The following ABCB1 variants were observed in gnomAD, a reference collection of about 807,000 sequenced individuals.
The protein encoded by ABCB1 is ATP binding cassette subfamily B member 1.
In ABCB1, 69 loss-of-function variants were observed where a neutral mutation model predicts 142.0. The observed-to-expected ratio is 0.49, with a 90% confidence interval of 0.40 to 0.59. The LOEUF (loss-of-function observed/expected upper bound fraction) is 0.59, where lower values mean the gene tolerates loss of function less well. Among genes scored for constraint, ABCB1 ranks in the 20% least tolerant of loss-of-function variants. The pLI, the probability that ABCB1 is intolerant of heterozygous loss-of-function variation, is 0.00. For synonymous variants in ABCB1, 532 were observed against 539.2 expected (o/e 0.99, Z 0.18); for missense variants, 1,326 against 1,554.7 (o/e 0.85, Z 2.47).
intron 1 of ABCB1, chr7:87,700,323 A>G (rs1828914309): frequency 2.9e-6 from 3 of 1,045,718 alleles, no homozygotes; most frequent in Non-Finnish European, 4.1e-6. Flanking sequence ...ATAGTTCACT[A>G]TATTACCTTT....
chr7:87,698,132 C>T (rs1394676013), intron 1 of ABCB1, among the ~76,000 whole-genome samples: 1 of 152,200 alleles, frequency 6.6e-6, no homozygotes, highest in Non-Finnish European at 1.5e-5. Flanking sequence ...CGAAGTCTCA[C>T]TCTGTCACCC....
At chr7:87,545,286 T>C (rs1375113282) in intron 15 of ABCB1, among the ~76,000 whole-genome samples, 1 of 152,234 alleles carries the variant, frequency 6.6e-6, no homozygotes, top group Non-Finnish European at 1.5e-5. Context: ...GTGGGTGTTT[T>C]GACTCAATCA....
intron 8 of ABCB1, among the ~76,000 whole-genome samples, chr7:87,557,761 C>T (rs756282967): frequency 1.3e-5 from 2 of 152,170 alleles, no homozygotes; most frequent in African/African-American, 2.4e-5. Context: ...AAATGTTGGG[C>T]TTCACTCCCA....
chr7:87,526,552 C>A (rs1429923912), intron 21 of ABCB1, among the ~76,000 whole-genome samples: 2 of 151,776 alleles, frequency 1.3e-5, no homozygotes, highest in Non-Finnish European at 2.9e-5. Flanking sequence ...ATTCTTATAA[C>A]CCCCTCATCT....
intron 1 of ABCB1, among the ~76,000 whole-genome samples, chr7:87,609,833 G>A (rs1819787283): frequency 6.6e-6 from 1 of 151,812 alleles, no homozygotes; most frequent in Non-Finnish European, 1.5e-5. Flanking sequence ...GAGGCCCGAG[G>A]TGGATTTTAA....
rs1394102376 is a variant in ABCB1 at position 87,636,416 on chromosome 7, C to CT, written c.-330-35339dup. 3.3e-5 allele frequency among the ~76,000 whole-genome samples: 5 copies of CT among 152,232 alleles called. No homozygotes were observed. The South Asian group carries it at 1.0e-3, about 32-fold the overall frequency. On this transcript the variant is annotated intron_variant, in intron 1 of 28. Transcript: ENST00000265724. ...TCAAGTCACTTAGCAACTGGAATCT[C>CT]TGCTTTTTGTTTATTTTTTAGATGT... is the stretch of plus-strand genomic sequence containing the variant.
upstream of ABCB1, among the ~76,000 whole-genome samples, chr7:87,603,971 C>T (rs1001989527): frequency 1.3e-5 from 2 of 152,100 alleles, no homozygotes; most frequent in African/African-American, 2.4e-5. Flanking sequence ...AGTAATAATG[C>T]CCTCTTCTCA....
At chr7:87,508,780 G>T (rs1814866729) in intron 26 of ABCB1, among the ~76,000 whole-genome samples, 1 of 152,178 alleles carries the variant, frequency 6.6e-6, no homozygotes, top group African/African-American at 2.4e-5. Flanking sequence ...TGAGTTTTGA[G>T]GCTTGGGAGA....
At chr7:87,650,871 G>T in intron 1 of ABCB1, 1 of 1,613,112 alleles carries the variant, frequency 6.2e-7, no homozygotes, top group Non-Finnish European at 8.5e-7. Flanking sequence ...GACAATTGAT[G>T]ATTCTTCTCC....
intron 1 of ABCB1, among the ~76,000 whole-genome samples, chr7:87,670,628 A>T (rs548626616): frequency 8.4e-4 from 128 of 152,308 alleles, no homozygotes; most frequent in African/African-American, 3.0e-3. Context: ...TGCATTGTAG[A>T]TTAAGTATAG....
At chr7:87,710,864 T>C (rs887140141) in intron 1 of ABCB1, among the ~76,000 whole-genome samples, 1 of 152,188 alleles carries the variant, frequency 6.6e-6, no homozygotes, top group African/African-American at 2.4e-5. Context: ...AGATACACAT[T>C]ACGCCTGGAA....
At chr7:87,617,438 A>G (rs936413237) in intron 1 of ABCB1, among the ~76,000 whole-genome samples, 6 of 152,248 alleles carry the variant, frequency 3.9e-5, no homozygotes, top group Non-Finnish European at 8.8e-5. Context: ...TAACAATGAC[A>G]ACATGTGTCC....
chr7:87,526,653 T>C (rs1342835874), intron 21 of ABCB1, among the ~76,000 whole-genome samples: 1 of 152,176 alleles, frequency 6.6e-6, no homozygotes, highest in African/African-American at 2.4e-5. Flanking sequence ...GCCAGGAGCA[T>C]TGTCTAATAT....
At position 87,519,370 on chromosome 7, in the gene ABCB1, G is replaced by T. The variant is rs1443251859; in HGVS notation, c.2883C>A (p.Ala961=). The change falls in exon 23 of 28, where the codon GCC becomes GCA. Residue 961 remains alanine, a synonymous_variant. Transcript: ENST00000622132. Reference sequence around the variant, plus strand: ...TCATGAGTTTATGTGCCACCAAGTAGGCTCCAAACCGGAAACATCCAGCAT... The same window carrying T: ...TCATGAGTTTATGTGCCACCAAGTATGCTCCAAACCGGAAACATCCAGCAT... ...FSYAGCFRFG[A]YLVAHKLMSF... The T allele has an allele frequency of 6.2e-7, 1 of 1,614,112 alleles. No homozygotes were observed. Among genetic ancestry groups the T allele is most frequent in the Non-Finnish European group, 8.5e-7 (1 of 1,179,990 alleles).
At chr7:87,553,956 C>A in intron 8 of ABCB1, 24 bp from the exon 9 acceptor site, 1 of 1,587,140 alleles carries the variant, frequency 6.3e-7, no homozygotes, top group South Asian at 1.1e-5. Context: ...CAAAAATGAT[C>A]ACATATACAT....
Position 87,600,149 on chromosome 7 carries a change from C to A in ABCB1, c.36G>T (p.Lys12Asn). The A allele has an allele frequency of 6.2e-7, 1 of 1,614,112 alleles. No individual in the cohort carries two copies. The highest frequency in any genetic ancestry group is 8.5e-7 in the Non-Finnish European group (1 of 1,179,946). ...DLEGDRNGGA[K>N]KKNFFKLNNK... ...TGTTCAGTTTAAAAAAGTTCTTCTT[C>A]TTTGCTCCTCCATTGCGGTCCCCTT... The change falls in exon 2 of 28, where the codon AAG becomes AAT. Residue 12 changes from lysine (K) to asparagine (N), a missense_variant. By Grantham distance (94) the Lys-to-Asn change is moderately conservative. Coordinates refer to ENST00000622132, the MANE Select transcript of ABCB1 (RefSeq NM_001348946.2).
At chr7:87,643,277 G>A (rs921884514) in intron 1 of ABCB1, among the ~76,000 whole-genome samples, 2 of 152,004 alleles carry the variant, frequency 1.3e-5, no homozygotes, top group East Asian at 3.9e-4. Flanking sequence ...AAAATATCAC[G>A]AAGAGAGTTT....
At chr7:87,564,941 T>C (rs983506647) in intron 7 of ABCB1, among the ~76,000 whole-genome samples, 1 of 152,224 alleles carries the variant, frequency 6.6e-6, no homozygotes, top group African/African-American at 2.4e-5. Context: ...GAAAAATCAA[T>C]TGACAAGAAG....
intron 14 of ABCB1, among the ~76,000 whole-genome samples, chr7:87,549,095 T>C (rs1638323126): frequency 6.6e-6 from 1 of 152,194 alleles, no homozygotes; most frequent in African/African-American, 2.4e-5. Flanking sequence ...TTTAAAAGAT[T>C]AGCAAGTGTC....
Sources: gnomAD v4.1 joint callset for allele counts (sites outside exome capture counted in the v4.1 genomes callset) on GRCh38, gnomAD v4.1.1 for gene constraint, MANE v1.5 for transcripts, NCBI Gene and HGNC (gene_info 2026-07-23, HGNC 2026-07-21) for gene names.